Variants in HERC4 observed in about 807,000 individuals in gnomAD.
HERC4 encodes probable E3 ubiquitin-protein ligase HERC4.
Under a neutral mutation model 124.3 loss-of-function variants are expected in HERC4, and 28 were observed. The observed-to-expected ratio is 0.23, with a 90% CI of 0.17 to 0.31. HERC4 has a LOEUF of 0.31. Among genes scored for constraint, HERC4 ranks in the 10% least tolerant of loss-of-function variants. The pLI is 1.00. For missense variants in HERC4, 713 were observed against 1,229.3 expected, an observed-to-expected ratio of 0.58 and a Z score of 6.28; for synonymous variants, 407 against 421.5, an observed-to-expected ratio of 0.97 and a Z score of 0.42.
At chr10:68,059,522 A>ATC (rs2040753608) in intron 3 of HERC4, among the ~76,000 whole-genome samples, 2 of 80,662 alleles carry the variant, frequency 2.5e-5, no homozygotes, top group African/African-American at 9.3e-5. Context: ...TATATATCAT[A>ATC]ATAATATTAT....
intron 9 of HERC4, chr10:67,995,253 GTTCTT>G: frequency 4.4e-6 from 2 of 455,402 alleles, no homozygotes; most frequent in Non-Finnish European, 8.8e-6. Flanking sequence ...TTTTCACTGA[GTTCTT>G]TTTTGTGGTG....
In HERC4 at chr10:67,956,910, GAGT is replaced by G; in HGVS notation, c.1990_1992del (p.Thr664del). 6.2e-7 allele frequency: 1 copy of G among 1,601,698 alleles called. No individual in the cohort carries two copies. The highest frequency in any genetic ancestry group is 8.5e-7 in the Non-Finnish European group (1 of 1,175,040). On this transcript the variant is annotated inframe_deletion, in exon 17 of 25. Transcript: ENST00000373700. ...TGTAAGACTGCATCGGTCTGTAACA[GAGT>G]AGTTTTTGCTTGGGCATCAAATACA...
intron 19 of HERC4, among the ~76,000 whole-genome samples, chr10:67,946,684 G>A (rs927096158): frequency 2.0e-5 from 3 of 151,956 alleles, no homozygotes; most frequent in African/African-American, 4.8e-5. Context: ...CGAGGTGGGC[G>A]GATCATGAGG....
chr10:68,068,703 T>C (rs2041421858), intron 3 of HERC4: 1 of 152,020 alleles, frequency 6.6e-6, no homozygotes, highest in African/African-American at 2.4e-5. Flanking sequence ...TACAATAAAA[T>C]ACTGATGGAA....
intron 18 of HERC4, 54 bp downstream of exon 18, chr10:67,954,909 A>C: frequency 6.7e-7 from 1 of 1,493,452 alleles, no homozygotes; most frequent in Non-Finnish European, 8.9e-7. Context: ...GGAAAATTTT[A>C]AACATAGCTT....
intron 15 of HERC4, among the ~76,000 whole-genome samples, chr10:67,980,771 G>C (rs766149884): frequency 6.6e-5 from 10 of 152,086 alleles, no homozygotes; most frequent in Non-Finnish European, 1.2e-4. Context: ...TTAAGGTGTA[G>C]AGTTTTCATT....
At position 67,956,957 on chromosome 10, in the gene HERC4, G is replaced by T; in HGVS notation, c.1946C>A (p.Thr649Lys). 1.9e-6 allele frequency: 3 copies of T among 1,582,822 alleles called. No individual in the cohort carries two copies. Among genetic ancestry groups the T allele is most frequent in the Non-Finnish European group, 2.6e-6 (3 of 1,165,076 alleles). Residue 649 changes from threonine (T) to lysine (K), a missense_variant, in exon 17 of 25, where the codon ACA (threonine) becomes AAA (lysine). By Grantham distance (78) the Thr-to-Lys change is moderately conservative (BLOSUM62 -1). Coordinates refer to ENST00000373700, the MANE Select transcript of HERC4 (RefSeq NM_015601.4). ...AAATACAAATGGATATGTACAGATT[G>T]TAACAGGGATATCTGCCAACTGGAA... ...AYGMLADIPV[T>K]ICTYPFVFDA...
rs1210136644 is a variant in HERC4 at position 68,059,903 on chromosome 10, T to C, written c.226+12980A>G. On this transcript the variant is annotated intron_variant, in intron 3 of 24. Coordinates refer to ENST00000373700, the MANE Select transcript of HERC4 (RefSeq NM_015601.4). Reference sequence around the variant, plus strand: ...TATTATATATCATAATATTATATATTATATAATATTATATATCATAATATT... The same window carrying C: ...TATTATATATCATAATATTATATATCATATAATATTATATATCATAATATT... 7.8e-5 allele frequency among the ~76,000 whole-genome samples: 6 copies of C among 77,088 alleles called. 1 individual carries two copies. Among genetic ancestry groups the C allele is most frequent in the African/African-American group, 3.2e-4 (4 of 12,370 alleles). 50.6% of individuals were successfully genotyped at this position (77,088 alleles called of 152,430 possible). A position where few individuals can be genotyped will look rare whatever the true frequency, so the allele number is the denominator to read the frequency against.
chr10:67,942,441 G>A (rs1380458261), intron 19 of HERC4, among the ~76,000 whole-genome samples: 1 of 152,112 alleles, frequency 6.6e-6, no homozygotes, highest in African/African-American at 2.4e-5. Flanking sequence ...ACTTCCTAAG[G>A]AAGAATTCAT....
chr10:68,034,035 G>A lies in HERC4; in HGVS notation c.615C>T (p.Leu205=). The change falls in exon 6 of 25, where the codon CTC becomes CTT. Residue 205 remains leucine (L), a synonymous_variant. Transcript: ENST00000373700. Reference sequence around the variant, plus strand: ...ATCCAAAGATAGCTCCAGAAAGGGTGAGTACAAAACTATGGGCTCCTCCTG... The same window carrying A: ...ATCCAAAGATAGCTCCAGAAAGGGTAAGTACAAAACTATGGGCTCCTCCTG... The part of the protein sequence containing the change: ...VAAGGAHSFV[L]TLSGAIFGWG... 6.2e-7 allele frequency: 1 copy of A among 1,614,084 alleles called. No individual in the cohort carries two copies. Among genetic ancestry groups the A allele is most frequent in the Non-Finnish European group, 8.5e-7 (1 of 1,180,006 alleles).
At chr10:67,986,746 G>A (rs1365907092) in intron 15 of HERC4, among the ~76,000 whole-genome samples, 1 of 151,994 alleles carries the variant, frequency 6.6e-6, no homozygotes, top group African/African-American at 2.4e-5. Context: ...TTTGCATATG[G>A]GATAAAGAAA....
chr10:68,003,678 A>G (rs1056221173), intron 9 of HERC4, among the ~76,000 whole-genome samples: 4 of 152,124 alleles, frequency 2.6e-5, no homozygotes, highest in African/African-American at 9.7e-5. Context: ...TATTGTTGCA[A>G]ATGACAGGAT....
At chr10:68,011,197 T>A (rs1034105573) in intron 9 of HERC4, among the ~76,000 whole-genome samples, 1 of 152,168 alleles carries the variant, frequency 6.6e-6, no homozygotes, top group Admixed American at 6.5e-5. Flanking sequence ...CCAAGTAGCA[T>A]GTGCCACCAC....
intron 3 of HERC4, among the ~76,000 whole-genome samples, chr10:68,055,050 G>A (rs965314289): frequency 6.6e-6 from 1 of 152,196 alleles, no homozygotes; most frequent in African/African-American, 2.4e-5. Flanking sequence ...AGGCTCCTGA[G>A]TAGCTGGGAT....
intron 8 of HERC4, among the ~76,000 whole-genome samples, chr10:68,015,437 T>C (rs1340817509): frequency 1.3e-5 from 2 of 152,240 alleles, no homozygotes; most frequent in African/African-American, 4.8e-5. Flanking sequence ...GGAGTCGTTC[T>C]GTTTAGCGAC....
chr10:68,066,345 G>A (rs2041302166), intron 3 of HERC4, among the ~76,000 whole-genome samples: 1 of 152,192 alleles, frequency 6.6e-6, no homozygotes, highest in Admixed American at 6.5e-5. Context: ...ACTGCCATCT[G>A]CAACAAGAAT....
intron 9 of HERC4, among the ~76,000 whole-genome samples, chr10:68,007,368 T>C (rs2133040084): frequency 6.6e-6 from 1 of 152,284 alleles, no homozygotes; most frequent in South Asian, 2.1e-4. Context: ...ACTTCCTCTG[T>C]TTATCTTCAG....
chr10:67,946,567 G>A (rs900682744), intron 19 of HERC4, among the ~76,000 whole-genome samples: 4 of 151,978 alleles, frequency 2.6e-5, no homozygotes, highest in Non-Finnish European at 5.9e-5. Flanking sequence ...AGACAAAGAA[G>A]GTCATTATAT....
At chr10:68,030,610 C>T (rs1319882894) in intron 7 of HERC4, among the ~76,000 whole-genome samples, 1 of 152,072 alleles carries the variant, frequency 6.6e-6, no homozygotes, top group African/African-American at 2.4e-5. Flanking sequence ...CTTCACTGTA[C>T]TTCATTACAG....
Sources: allele counts gnomAD v4.1 joint callset (sites outside exome capture counted in the v4.1 genomes callset), GRCh38; gene constraint gnomAD v4.1.1; transcripts MANE v1.5; gene names NCBI Gene and HGNC (gene_info 2026-07-23, HGNC 2026-07-21).